Variants in CA13 observed in about 807,000 individuals in gnomAD.
The protein encoded by CA13 is CA-XIII.
CA13 carries 21 observed loss-of-function variants against 31.5 expected under a neutral mutation model. The observed-to-expected ratio is 0.67, with a 90% CI of 0.47 to 0.96. The LOEUF is 0.96. CA13 is among the 40% of genes least tolerant of loss of function. The probability of loss-of-function intolerance (pLI) is 0.00; values close to 1 mark genes in which losing one functional copy is unlikely to be tolerated. For missense variants in CA13, 315 were observed against 318.9 expected (o/e 0.99, Z 0.09); for synonymous variants, 117 against 111.4 (o/e 1.05, Z -0.32).
At chr8:85,263,296 GT>G (rs1187236944) in intron 3 of CA13, among the ~76,000 whole-genome samples, 1 of 152,182 alleles carries the variant, frequency 6.6e-6, no homozygotes, top group Non-Finnish European at 1.5e-5. Context: ...GCAGTCTGAA[GT>G]TTATCTGTAA....
intron 4 of CA13, chr8:85,267,372 A>T: frequency 1.3e-6 from 1 of 780,148 alleles, no homozygotes; most frequent in African/African-American, 1.9e-5. Flanking sequence ...GATTCAGATC[A>T]CCTGTAATAA....
Position 85,250,843 on chromosome 8 carries a change from A to C in CA13, c.141A>C (p.Pro47=). The C allele has an allele frequency of 6.2e-7, 1 of 1,613,998 alleles. No homozygotes were observed. Among genetic ancestry groups the C allele is most frequent in the Non-Finnish European group, 8.5e-7 (1 of 1,179,914 alleles). ...KEVKYDSSLR[P]LSIKYDPSSA... ...TGAAATATGACTCTTCCCTCCGACC[A>C]CTTAGTATCAAGTATGACCCAAGCT... is the stretch of plus-strand genomic sequence containing the variant. The change falls in exon 2 of 7, where the codon CCA becomes CCC. Residue 47 remains proline (P), a synonymous_variant. Coordinates refer to ENST00000321764, the MANE Select transcript of CA13 (RefSeq NM_198584.3).
chr8:85,254,108 GTCTC>G (rs1807240476), intron 2 of CA13, among the ~76,000 whole-genome samples: 1 of 151,880 alleles, frequency 6.6e-6, no homozygotes, highest in East Asian at 1.9e-4. Context: ...CTGAAACCCT[GTCTC>G]TATTAAAATA....
At chr8:85,281,080 G>T in intron 6 of CA13, 150 bp from the exon 7 acceptor site, 3 of 894,842 alleles carry the variant, frequency 3.4e-6, no homozygotes, top group Non-Finnish European at 3.3e-6. Context: ...TTTAGCAAAA[G>T]AGTTGCTTTA....
At chr8:85,255,980 C>T (rs1807286964) in intron 2 of CA13, among the ~76,000 whole-genome samples, 1 of 151,438 alleles carries the variant, frequency 6.6e-6, no homozygotes, top group African/African-American at 2.4e-5. Flanking sequence ...ACTTACCTAC[C>T]TAGCATGGTG....
intron 6 of CA13, among the ~76,000 whole-genome samples, chr8:85,271,413 T>C (rs1269407531): frequency 5.9e-5 from 9 of 152,208 alleles, no homozygotes; most frequent in Non-Finnish European, 1.3e-4. Context: ...TTCATTTTCT[T>C]TTTCTTGATT....
At chr8:85,272,374 G>T (rs1163350485) in intron 6 of CA13, among the ~76,000 whole-genome samples, 3 of 151,962 alleles carry the variant, frequency 2.0e-5, no homozygotes, top group African/African-American at 7.3e-5. Context: ...TGCTGCCTCA[G>T]CCTCCTGAGT....
chr8:85,250,908 T>G lies in CA13; in HGVS notation c.206T>G (p.Val69Gly), dbSNP rs748662901. Residue 69 changes from valine to glycine, a missense_variant, in exon 2 of 7, where the codon GTT (valine) becomes GGT (glycine). Physicochemically the swap from Val to Gly is moderately radical, Grantham distance 109. Coordinates refer to ENST00000321764, the MANE Select transcript of CA13 (RefSeq NM_198584.3). ...IISNSGHSFN[V>G]DFDDTENKSV... The stretch of plus-strand genomic sequence containing the variant: ...AGCAACAGCGGCCATTCCTTCAATG[T>G]TGACTTTGATGACACAGAGAACAAA... 6.2e-7 allele frequency: 1 copy of G among 1,614,082 alleles called. No individual in the cohort carries two copies. Among genetic ancestry groups the G allele is most frequent in the South Asian group, 1.1e-5 (1 of 91,068 alleles).
At position 85,275,196 on chromosome 8, in the gene CA13, C is replaced by T. The variant is rs77369307; in HGVS notation, c.670-6034C>T. ...CTTAAGTTAGAAGGAGACCAAGCTC[C>T]GTGGGGTAATTTTGGCCACCCCTCT... On this transcript the variant is annotated intron_variant, in intron 6 of 6. Coordinates refer to ENST00000321764, the MANE Select transcript of CA13 (RefSeq NM_198584.3). 5.8e-3 allele frequency among the ~76,000 whole-genome samples: 887 copies of T among 152,212 alleles called. 11 individuals are homozygous for T. The highest frequency in any genetic ancestry group is 0.02 in the African/African-American group (832 of 41,512).
In CA13 at chr8:85,281,410, G is replaced by A. The variant is rs900115304; in HGVS notation, c.*61G>A. On this transcript the variant is annotated 3_prime_UTR_variant, in exon 7 of 7. Coordinates refer to ENST00000321764, the MANE Select transcript of CA13 (RefSeq NM_198584.3). Reference sequence around the variant, plus strand: ...TGGAGAGACAACAAAACAAAACAAAGCACAAAAGTCTCTGCCAACAACTCT... The same window carrying A: ...TGGAGAGACAACAAAACAAAACAAAACACAAAAGTCTCTGCCAACAACTCT... 1.3e-6 allele frequency: 2 copies of A among 1,565,890 alleles called. No individual in the cohort carries two copies. The highest frequency in any genetic ancestry group is 2.7e-5 in the African/African-American group (2 of 73,776).
chr8:85,277,954 G>A (rs181320319), intron 6 of CA13, among the ~76,000 whole-genome samples: 1 of 152,228 alleles, frequency 6.6e-6, no homozygotes, highest in Non-Finnish European at 1.5e-5. Flanking sequence ...GGCCTGAGGA[G>A]GGAGGAAGTT....
chr8:85,275,530 G>A (rs1807589444), intron 6 of CA13, among the ~76,000 whole-genome samples: 2 of 152,146 alleles, frequency 1.3e-5, no homozygotes, highest in South Asian at 4.1e-4. Context: ...TCCTGCCTTG[G>A]GAAGCGATAC....
At chr8:85,269,214 G>A (rs954505152) in intron 6 of CA13, among the ~76,000 whole-genome samples, 4 of 152,342 alleles carry the variant, frequency 2.6e-5, no homozygotes, top group African/African-American at 9.6e-5. Context: ...CACTTTGGGA[G>A]GCTGAGGTGG....
chr8:85,269,677 G>A (rs1182604716), intron 6 of CA13, among the ~76,000 whole-genome samples: 1 of 152,156 alleles, frequency 6.6e-6, no homozygotes, highest in Non-Finnish European at 1.5e-5. Context: ...TCATTCTTCT[G>A]TTAAATACTT....
chr8:85,281,128 A>AT lies in CA13; in HGVS notation c.670-96dup, dbSNP rs1027475899. The AT allele has an allele frequency of 1.4e-5, 20 of 1,384,462 alleles. No homozygotes were observed. In the South Asian group the frequency reaches 2.0e-4, roughly 14 times the overall value. 85.8% of individuals were successfully genotyped at this position (1,384,462 alleles called of 1,614,324 possible). On this transcript the variant is annotated intron_variant, in intron 6 of 6. Transcript: ENST00000321764. Reference sequence around the variant, plus strand: ...TGTAACAGAAAATTTTCATTGCAGTATTTTTTGTTCCTGGTTATAGATATA... The same window carrying AT: ...TGTAACAGAAAATTTTCATTGCAGTATTTTTTTGTTCCTGGTTATAGATATA...
chr8:85,281,286 GGT>G lies in CA13; in HGVS notation c.728_729del (p.Val243GlufsTer54). The G allele has an allele frequency of 6.2e-7, 1 of 1,613,996 alleles. No individual in the cohort carries two copies. The highest frequency in any genetic ancestry group is 1.1e-5 in the South Asian group (1 of 91,066). ...CGGAGGGTGAAGCAGCAGCTTTTCT[GGT>G]GAGCAATCACCGCCCACCACAGCCT... The part of the protein sequence containing the change: ...TAEGEAAAFL[V>X]SNHRPPQPLK... On this transcript the variant is annotated frameshift_variant, in exon 7 of 7. Coordinates refer to ENST00000321764, the MANE Select transcript of CA13 (RefSeq NM_198584.3). LOFTEE classifies it high-confidence loss of function.
intron 6 of CA13, among the ~76,000 whole-genome samples, chr8:85,277,735 TGGCATCAGCC>T (rs767480507): frequency 7.0e-4 from 106 of 152,122 alleles, no homozygotes; most frequent in Non-Finnish European, 1.2e-3. Flanking sequence ...AGGCCTAAAA[TGGCATCAGCC>T]GGAAGTGAGG....
chr8:85,254,432 T>TC (rs1807251104), intron 2 of CA13, among the ~76,000 whole-genome samples: 1 of 151,794 alleles, frequency 6.6e-6, no homozygotes, highest in Non-Finnish European at 1.5e-5. Flanking sequence ...GAACCCAGGT[T>TC]TCTCTCTCTC....
chr8:85,277,870 G>A (rs1017271917), intron 6 of CA13, among the ~76,000 whole-genome samples: 4 of 152,186 alleles, frequency 2.6e-5, no homozygotes, highest in Admixed American at 1.3e-4. Context: ...GTGTCTCCCA[G>A]CCAGCTCTCT....
Sources: gnomAD v4.1 joint callset for allele counts (sites outside exome capture counted in the v4.1 genomes callset) on GRCh38, gnomAD v4.1.1 for gene constraint, MANE v1.5 for transcripts, NCBI Gene and HGNC (gene_info 2026-07-23, HGNC 2026-07-21) for gene names.